Variants in PRKCA observed in about 807,000 individuals in gnomAD.
PRKCA encodes the protein protein kinase C alpha type.
A neutral mutation model predicts 87.0 loss-of-function variants in PRKCA; 27 were observed. The observed-to-expected ratio is 0.31, with a 90% CI of 0.23 to 0.43. The LOEUF is 0.43. Among genes scored for constraint, PRKCA ranks in the 20% least tolerant of loss-of-function variants. The pLI is 1.00. For synonymous variants in PRKCA, 329 were observed against 311.1 expected (o/e 1.06, Z -0.61); for missense variants, 518 against 852.3 (o/e 0.61, Z 4.88).
At chr17:66,378,826 A>G (rs1026771526) in intron 2 of PRKCA, among the ~76,000 whole-genome samples, 2 of 151,560 alleles carry the variant, frequency 1.3e-5, no homozygotes, top group Non-Finnish European at 2.9e-5. Context: ...GCTTGAACTC[A>G]GGAGGCAGAG....
chr17:66,622,944 G>C (rs541279196), intron 3 of PRKCA, among the ~76,000 whole-genome samples: 25 of 152,336 alleles, frequency 1.6e-4, no homozygotes, highest in South Asian at 1.0e-3. Flanking sequence ...GATGAGATTT[G>C]GGTGGGGACA....
rs554930605 is a variant in PRKCA, at chr17:66,688,916, T to G, written c.822-35T>G. 4.9e-5 allele frequency: 67 copies of G among 1,375,452 alleles called. 1 individual carries two copies. The South Asian group carries it at 8.0e-4, about 16-fold the overall frequency. The allele number at this position is 1,375,452 out of a possible 1,614,324, so 85.2% of individuals were successfully genotyped here. The stretch of plus-strand genomic sequence containing the variant: ...GGCTGCAGGAAAGGCTTGTTAAACT[T>G]GCGGTGGTAACTCTTCTTCTCCCGT... On this transcript the variant is annotated intron_variant, in intron 7 of 16. Transcript: ENST00000413366.
chr17:66,359,238 T>C (rs1163214282), intron 2 of PRKCA, among the ~76,000 whole-genome samples: 1 of 152,168 alleles, frequency 6.6e-6, no homozygotes, highest in Non-Finnish European at 1.5e-5. Context: ...CTCAGAAAAT[T>C]CTTGAGTGGC....
intron 8 of PRKCA, among the ~76,000 whole-genome samples, chr17:66,708,898 G>A (rs1489706540): frequency 1.3e-5 from 2 of 152,126 alleles, no homozygotes; most frequent in African/African-American, 2.4e-5. Context: ...TAGAGTTTTT[G>A]GGGTTGGAAC....
intron 8 of PRKCA, among the ~76,000 whole-genome samples, chr17:66,724,353 T>C (rs1973689680): frequency 6.6e-6 from 1 of 150,810 alleles, no homozygotes; most frequent in Non-Finnish European, 1.5e-5. Flanking sequence ...TTCCTCCTGG[T>C]GCAGGGGTGG....
chr17:66,765,541 T>C (rs1414014238), intron 13 of PRKCA, among the ~76,000 whole-genome samples: 1 of 146,124 alleles, frequency 6.8e-6, no homozygotes, highest in African/African-American at 2.5e-5. Flanking sequence ...TATATGTCTT[T>C]ATATATATAT....
At chr17:66,610,687 C>T (rs549770432) in intron 3 of PRKCA, among the ~76,000 whole-genome samples, 1 of 152,294 alleles carries the variant, frequency 6.6e-6, no homozygotes, top group African/African-American at 2.4e-5. Context: ...GTTTCAGTCA[C>T]GATCGCAAGA....
chr17:66,389,237 G>A (rs1018366754), intron 2 of PRKCA, among the ~76,000 whole-genome samples: 5 of 152,144 alleles, frequency 3.3e-5, no homozygotes, highest in East Asian at 1.9e-4. Context: ...TATCTGTGGC[G>A]TTAAATTTCA....
intron 3 of PRKCA, among the ~76,000 whole-genome samples, chr17:66,522,269 G>A (rs893134127): frequency 6.6e-6 from 1 of 152,246 alleles, no homozygotes; most frequent in Non-Finnish European, 1.5e-5. Context: ...CCTGACTATG[G>A]CAGGATGAGA....
chr17:66,495,864 C>T (rs982080643), intron 2 of PRKCA, among the ~76,000 whole-genome samples: 4 of 151,950 alleles, frequency 2.6e-5, no homozygotes, highest in African/African-American at 9.7e-5. Context: ...CCGCTGTGCC[C>T]GGCTAGGATG....
chr17:66,526,193 C>T (rs1476289949), intron 3 of PRKCA, among the ~76,000 whole-genome samples: 2 of 152,114 alleles, frequency 1.3e-5, no homozygotes, highest in African/African-American at 4.8e-5. Context: ...AAATATGTGC[C>T]TATATGTATA....
intron 3 of PRKCA, among the ~76,000 whole-genome samples, chr17:66,523,088 AGT>A (rs971722178): frequency 2.6e-5 from 4 of 152,102 alleles, no homozygotes; most frequent in African/African-American, 7.2e-5. Flanking sequence ...TACTCTCTGA[AGT>A]GTGTGTGGCC....
intron 3 of PRKCA, among the ~76,000 whole-genome samples, chr17:66,626,661 C>A (rs62072360): frequency 2.6e-5 from 4 of 151,798 alleles, no homozygotes; most frequent in African/African-American, 9.7e-5. Context: ...TGAGCCATCA[C>A]GCCCAGCCTA....
At chr17:66,354,310 T>C (rs1192784556) in intron 2 of PRKCA, among the ~76,000 whole-genome samples, 2 of 152,212 alleles carry the variant, frequency 1.3e-5, no homozygotes, top group Non-Finnish European at 2.9e-5. Context: ...CCAGACAGAA[T>C]AATTAAATAC....
chr17:66,639,989 T>A (rs530380848), intron 3 of PRKCA, among the ~76,000 whole-genome samples: 2 of 150,438 alleles, frequency 1.3e-5, no homozygotes, highest in Admixed American at 1.3e-4. Flanking sequence ...AGTGAGACTC[T>A]GTCTCAAAAA....
At chr17:66,362,643 G>C (rs1359353591) in intron 2 of PRKCA, among the ~76,000 whole-genome samples, 1 of 149,758 alleles carries the variant, frequency 6.7e-6, no homozygotes, top group Non-Finnish European at 1.5e-5. Context: ...TATTTTTTCT[G>C]TCTCCCTCAA....
intron 8 of PRKCA, among the ~76,000 whole-genome samples, chr17:66,694,061 C>T (rs900116537): frequency 1.1e-4 from 17 of 152,052 alleles, no homozygotes; most frequent in Non-Finnish European, 2.1e-4. Context: ...TATCCTGATA[C>T]GATAGGATAT....
intron 3 of PRKCA, among the ~76,000 whole-genome samples, chr17:66,632,785 A>G (rs947783070): frequency 9.2e-5 from 14 of 152,230 alleles, no homozygotes; most frequent in African/African-American, 2.9e-4. Context: ...ATTCCATAGT[A>G]TAAATATATT....
At chr17:66,794,524 T>G (rs911121423) in intron 16 of PRKCA, among the ~76,000 whole-genome samples, 1 of 151,986 alleles carries the variant, frequency 6.6e-6, no homozygotes, top group Non-Finnish European at 1.5e-5. Flanking sequence ...GGAAAGTAAT[T>G]TAAAGAACTC....
Sources: gnomAD v4.1 joint callset for allele counts (sites outside exome capture counted in the v4.1 genomes callset) on GRCh38, gnomAD v4.1.1 for gene constraint, MANE v1.5 for transcripts, NCBI Gene and HGNC (gene_info 2026-07-23, HGNC 2026-07-21) for gene names.